GOLGA8M: variants seen among roughly 807,000 people sequenced by gnomAD.
The protein encoded by GOLGA8M is golgin A8 family member M.
A neutral mutation model predicts 87.7 loss-of-function variants in GOLGA8M; 34 were observed. The observed-to-expected ratio is 0.39, with a 90% CI of 0.29 to 0.52. The LOEUF is 0.52. Ranked by LOEUF, GOLGA8M falls within the 20% of genes least tolerant of loss-of-function variation. The pLI is 0.80. For missense variants in GOLGA8M, 396 were observed against 682.2 expected, an observed-to-expected ratio of 0.58 and a Z score of 4.67; for synonymous variants, 138 against 250.2, an observed-to-expected ratio of 0.55 and a Z score of 4.23.
chr15:28,712,804 T>C (rs1442663540), upstream of GOLGA8M, among the ~76,000 whole-genome samples: 2 of 152,276 alleles, frequency 1.3e-5, no homozygotes, highest in African/African-American at 4.8e-5. Flanking sequence ...CCTACATTTT[T>C]CATCTTTGAT....
Position 28,701,575 on chromosome 15 carries a change from A to G in GOLGA8M, c.*379T>C, listed in dbSNP as rs1204382716. ...ATTTTGTCTGAATTCTGTAGTGAAT[A>G]TACATGCTGCAATAACATTAAAAAA... On this transcript the variant is annotated 3_prime_UTR_variant, in exon 19 of 19. Transcript: ENST00000563027. Among the ~76,000 whole-genome samples, 4 of 151,466 alleles carry G rather than the reference A, an allele frequency of 2.6e-5. No individual in the cohort carries two copies. The highest frequency in any genetic ancestry group is 9.7e-5 in the African/African-American group (4 of 41,152).
chr15:28,707,170 G>T (rs2080058549), intron 8 of GOLGA8M, among the ~76,000 whole-genome samples: 1 of 136,178 alleles, frequency 7.3e-6, no homozygotes, highest in African/African-American at 3.1e-5. Context: ...CGTTTTTCTT[G>T]CTGGGGATGG....
chr15:28,702,601 A>ACGGTC (rs1310822410), intron 16 of GOLGA8M, 39 bp from the exon 17 acceptor site: 1 of 1,609,770 alleles, frequency 6.2e-7, no homozygotes, highest in African/African-American at 1.3e-5. Context: ...GGCCCCTCCG[A>ACGGTC]CGGTCCTGCA....
At chr15:28,712,436 G>A (rs891322846), upstream of GOLGA8M, 163 of 1,600,072 alleles carry the variant, frequency 1.0e-4, no homozygotes, top group African/African-American at 1.3e-3. Flanking sequence ...CAGAGGAGGC[G>A]TAACCAGGGC....
rs1284274642 is a variant in GOLGA8M, at chr15:28,702,276, G to C, written c.1661C>G (p.Ala554Gly). 5.1e-6 allele frequency: 8 copies of C among 1,558,604 alleles called. No homozygotes were observed. Among genetic ancestry groups the C allele is most frequent in the Non-Finnish European group, 6.9e-6 (8 of 1,162,918 alleles). The change falls in exon 18 of 19, where the codon GCT becomes GGT. Residue 554 changes from alanine to glycine, a missense_variant. By Grantham distance (60) the Ala-to-Gly change is moderately conservative. Transcript: ENST00000563027. ...TGGGGCTCCTGGACCGGGCTCATCA[G>C]CAGAGTTGTGGGCAGCGGCCAGGAA... ...RKFLAAAHNS[A>G]DEPGPGAPAP...
Position 28,701,966 on chromosome 15 carries a change from T to A in GOLGA8M, c.1887A>T (p.Arg629Ser). 6.3e-7 allele frequency: 1 copy of A among 1,599,668 alleles called. No homozygotes were observed. Among genetic ancestry groups the A allele is most frequent in the African/African-American group, 1.3e-5 (1 of 74,674 alleles). The change falls in exon 19 of 19, where the codon AGA (arginine) becomes AGT (serine). Residue 629 changes from arginine to serine, a missense_variant. By Grantham distance (110) the Arg-to-Ser change is moderately radical. Around this residue, in one of 12 missense-constraint regions of GOLGA8M, gnomAD observed 35 missense variants for 61.4 expected, o/e 0.57. Transcript: ENST00000563027. Reference sequence around the variant, plus strand: ...AGGATGGTGATGTTTATCTCCTTCTTCTTGGCAGCCAAGCCCAGCAAAAGA... The same window carrying A: ...AGGATGGTGATGTTTATCTCCTTCTACTTGGCAGCCAAGCCCAGCAAAAGA... ...VPFFCWAWLP[R>S]RRR
chr15:28,702,617 C>CCCTG (rs2079837658), intron 16 of GOLGA8M, 28 bp downstream of exon 16: 2 of 1,610,270 alleles, frequency 1.2e-6, no homozygotes, highest in South Asian at 2.2e-5. Context: ...CTGCAGCTCC[C>CCCTG]CCTGCCGTGC....
chr15:28,704,850 G>T, intron 13 of GOLGA8M: 1 of 524,362 alleles, frequency 1.9e-6, no homozygotes. Flanking sequence ...GCCTCCCAAA[G>T]TGCTGGGATT....
rs1156374423 is a variant in GOLGA8M, at chr15:28,702,760, T to C, written c.1369-15A>G. 5 of 1,598,538 alleles carry C rather than the reference T, an allele frequency of 3.1e-6. No individual in the cohort carries two copies. The highest frequency in any genetic ancestry group is 2.2e-5 in the South Asian group (2 of 90,942). On this transcript the variant is annotated splice_polypyrimidine_tract_variant and intron_variant, in intron 15 of 18. Transcript: ENST00000563027. Reference sequence around the variant, plus strand: ...ATAAAGCTGCTCTGGAGCCAAAATATTGCAGTCACATCTCGGCAGCGACCT... The same window carrying C: ...ATAAAGCTGCTCTGGAGCCAAAATACTGCAGTCACATCTCGGCAGCGACCT...
chr15:28,702,022 G>A lies in GOLGA8M; in HGVS notation c.1831C>T (p.Pro611Ser). The stretch of plus-strand genomic sequence containing the variant: ...ACACAGCAGTTGCTGCCCAAGCCTG[G>A]GTGCTCCTGGTGGTCCTGCACGATC... ...QPIVQDHQEH[P>S]GLGSNCCVPF... The change falls in exon 19 of 19, where the codon CCA (proline) becomes TCA (serine). Residue 611 changes from proline to serine, a missense_variant. Physicochemically the swap from Pro to Ser is moderately conservative, Grantham distance 74 (BLOSUM62 -1). Coordinates refer to ENST00000563027, the MANE Select transcript of GOLGA8M (RefSeq NM_001282468.3). The A allele has an allele frequency of 6.3e-7, 1 of 1,597,792 alleles. No homozygotes were observed. Among genetic ancestry groups the A allele is most frequent in the Non-Finnish European group, 8.5e-7 (1 of 1,179,676 alleles).
In GOLGA8M at chr15:28,702,292, C is replaced by T. The variant is rs769894259; in HGVS notation, c.1645G>A (p.Ala549Thr). The change falls in exon 18 of 19, where the codon GCT becomes ACT. Residue 549 changes from alanine to threonine, a missense_variant. Ala to Thr is a moderately conservative substitution (Grantham distance 58). Around this residue, in one of 12 missense-constraint regions of GOLGA8M, gnomAD observed 173 missense variants for 150.2 expected, o/e 1.15. Transcript: ENST00000563027. ...YNNGHRKFLA[A>T]AHNSADEPGP... Reference sequence around the variant, plus strand: ...GGCTCATCAGCAGAGTTGTGGGCAGCGGCCAGGAATTTTCTGTGCCCATTG... The same window carrying T: ...GGCTCATCAGCAGAGTTGTGGGCAGTGGCCAGGAATTTTCTGTGCCCATTG... The T allele has an allele frequency of 5.3e-5, 82 of 1,541,598 alleles. 1 individual carries two copies. The highest frequency in any genetic ancestry group is 5.9e-5 in the Non-Finnish European group (68 of 1,153,476).
intron 5 of GOLGA8M, 78 bp downstream of exon 5, chr15:28,708,297 C>T: frequency 1.9e-6 from 3 of 1,611,812 alleles, no homozygotes; most frequent in East Asian, 2.2e-5. Flanking sequence ...GTTATCGGGG[C>T]CCTGTGGGGA....
upstream of GOLGA8M, among the ~76,000 whole-genome samples, chr15:28,712,599 C>T (rs2080227493): frequency 2.0e-5 from 3 of 151,034 alleles, no homozygotes; most frequent in Admixed American, 2.0e-4. Context: ...CCGCTCTCCG[C>T]ACCCACTCTA....
chr15:28,702,433 C>G (rs775784618), intron 17 of GOLGA8M, 32 bp downstream of exon 17: 2 of 777,888 alleles, frequency 2.6e-6, no homozygotes, highest in Non-Finnish European at 3.7e-6. Flanking sequence ...CCACCCCCAC[C>G]CCCACCCCCA....
intron 4 of GOLGA8M, among the ~76,000 whole-genome samples, chr15:28,708,722 G>C (rs186849809): frequency 6.6e-6 from 1 of 152,048 alleles, no homozygotes; most frequent in East Asian, 1.9e-4. Context: ...TAGAAAAGTG[G>C]GTTCATTCAA....
At position 28,703,103 on chromosome 15, in the gene GOLGA8M, A is replaced by G. The variant is rs1227391506; in HGVS notation, c.1368+216T>C. 173 of 654,802 alleles carry G rather than the reference A, an allele frequency of 2.6e-4. 4 individuals are homozygous for G. The highest frequency in any genetic ancestry group is 3.1e-4 in the African/African-American group (11 of 35,740). The allele number at this position is 654,802 out of a possible 1,614,324, so 40.6% of individuals were successfully genotyped here. A position where few individuals can be genotyped will look rare whatever the true frequency, so the allele number is the denominator to read the frequency against. On this transcript the variant is annotated intron_variant, in intron 15 of 18. Transcript: ENST00000563027. ...TGAGCATTCTTCTAGGGGCATACAC[A>G]GAACAAATGGGGCAGAGAGGTGGAG...
chr15:28,704,280 G>A (rs2140917192), intron 13 of GOLGA8M, among the ~76,000 whole-genome samples: 1 of 148,946 alleles, frequency 6.7e-6, no homozygotes, highest in South Asian at 2.1e-4. Flanking sequence ...GGCACGTGGT[G>A]GCTGGTTTCC....
rs2079887727 is a variant in GOLGA8M at position 28,703,413 on chromosome 15, G to GT, written c.1277-4dup. ...GTCCAGATGTTCTCCTCCGTGTCCT[G>GT]TGGGGGGTGGCCAGAGGGGTCTTCA... On this transcript the variant is annotated splice_polypyrimidine_tract_variant and splice_region_variant and intron_variant, in intron 14 of 18. Transcript: ENST00000563027. 4.6e-6 allele frequency: 3 copies of GT among 653,198 alleles called. No homozygotes were observed. The highest frequency in any genetic ancestry group is 3.4e-5 in the African/African-American group (1 of 29,814). The allele number at this position is 653,198 out of a possible 1,614,324, so 40.5% of individuals were successfully genotyped here. A position where few individuals can be genotyped will look rare whatever the true frequency, so the allele number is the denominator to read the frequency against.
intron 15 of GOLGA8M, 30 bp from the exon 16 acceptor site, chr15:28,702,775 G>A (rs199791487): frequency 4.1e-5 from 65 of 1,594,626 alleles, no homozygotes; most frequent in Admixed American, 5.1e-5. Flanking sequence ...GTCACATCTC[G>A]GCAGCGACCT....
Sources: allele counts gnomAD v4.1 joint callset (sites outside exome capture counted in the v4.1 genomes callset), GRCh38; gene constraint gnomAD v4.1.1; regional missense constraint gnomAD v4.1.1; transcripts MANE v1.5; gene names NCBI Gene and HGNC (gene_info 2026-07-23, HGNC 2026-07-21).